Variants in CUX1 observed in about 807,000 individuals in gnomAD.
CUX1 encodes protein CASP.
A neutral mutation model predicts 158.8 loss-of-function variants in CUX1; 31 were observed. The ratio of observed to expected loss-of-function variants is 0.20; its 90% CI spans 0.15 to 0.26. The LOEUF (loss-of-function observed/expected upper bound fraction) is 0.26. CUX1 is among the 10% of genes least tolerant of loss of function. The pLI, the probability that CUX1 is intolerant of heterozygous loss-of-function variation, is 1.00. For synonymous variants in CUX1, 879 were observed against 862.1 expected (o/e 1.02, Z -0.34); for missense variants, 1,589 against 2,014.6 (o/e 0.79, Z 4.04).
intron 1 of CUX1, among the ~76,000 whole-genome samples, chr7:101,872,162 C>A (rs1798635818): frequency 6.6e-6 from 1 of 152,128 alleles, no homozygotes; most frequent in African/African-American, 2.4e-5. Flanking sequence ...GAGACAGAGT[C>A]TCTCTCTGTT....
intron 1 of CUX1, among the ~76,000 whole-genome samples, chr7:101,819,828 C>T (rs1319988341): frequency 6.6e-6 from 1 of 152,162 alleles, no homozygotes; most frequent in African/African-American, 2.4e-5. Context: ...GTTGAGTCCA[C>T]AGAGAGCCCT....
At chr7:102,068,920 T>G (rs1825836415) in intron 3 of CUX1, among the ~76,000 whole-genome samples, 1 of 152,156 alleles carries the variant, frequency 6.6e-6, no homozygotes, top group Non-Finnish European at 1.5e-5. Context: ...TCCAGCATAG[T>G]TGATGAACAG....
rs782600704 is a variant in CUX1 at position 102,251,097 on chromosome 7, A to G, written c.*2055A>G. On this transcript the variant is annotated 3_prime_UTR_variant, in exon 24 of 24. Transcript: ENST00000292535. ...GTATTGGGTATAATTTACAAGATGT[A>G]GTTGTCATACTGTATATTACTGATT... 3 of 985,152 alleles carry G rather than the reference A, an allele frequency of 3.0e-6. No homozygotes were observed. Among genetic ancestry groups the G allele is most frequent in the African/African-American group, 1.7e-5 (1 of 57,218 alleles). The allele number at this position is 985,152 out of a possible 1,614,324, so 61.0% of individuals were successfully genotyped here. A position where few individuals can be genotyped will look rare whatever the true frequency, so the allele number is the denominator to read the frequency against.
intron 2 of CUX1, among the ~76,000 whole-genome samples, chr7:102,016,390 C>G (rs1818592577): frequency 6.6e-6 from 1 of 152,258 alleles, no homozygotes; most frequent in African/African-American, 2.4e-5. Context: ...AGCCTGTGGT[C>G]TCTGCTCATG....
intron 8 of CUX1, among the ~76,000 whole-genome samples, chr7:102,126,935 A>G (rs1554495456): frequency 1.3e-5 from 2 of 152,236 alleles, no homozygotes; most frequent in African/African-American, 4.8e-5. Flanking sequence ...GTGACAGATC[A>G]TCAGGCATTA....
chr7:101,874,879 A>C (rs1016236814), intron 1 of CUX1, among the ~76,000 whole-genome samples: 8 of 152,228 alleles, frequency 5.3e-5, no homozygotes, highest in African/African-American at 1.9e-4. Flanking sequence ...GAGCGTTTGC[A>C]TCACACCTTC....
chr7:101,984,855 A>G (rs920410471), intron 2 of CUX1, among the ~76,000 whole-genome samples: 2 of 152,226 alleles, frequency 1.3e-5, no homozygotes, highest in Non-Finnish European at 2.9e-5. Context: ...GATCGCATTA[A>G]TCTTAATTTT....
At chr7:102,055,786 T>G (rs1824059821) in intron 3 of CUX1, among the ~76,000 whole-genome samples, 2 of 152,204 alleles carry the variant, frequency 1.3e-5, no homozygotes, top group African/African-American at 4.8e-5. Context: ...AAAGGCGTGT[T>G]GAAAGCTGAG....
At chr7:102,006,160 C>G (rs1817340946) in intron 2 of CUX1, among the ~76,000 whole-genome samples, 1 of 152,152 alleles carries the variant, frequency 6.6e-6, no homozygotes, top group African/African-American at 2.4e-5. Flanking sequence ...CTCCTTTTAA[C>G]CCGGGAGTAA....
intron 2 of CUX1, among the ~76,000 whole-genome samples, chr7:101,951,366 G>A (rs1287091678): frequency 6.6e-5 from 10 of 151,962 alleles, no homozygotes; most frequent in Admixed American, 6.6e-4. Context: ...GCATCCTGTA[G>A]ACTAATGCCA....
chr7:102,074,855 T>C (rs778784615), intron 4 of CUX1, among the ~76,000 whole-genome samples: 15 of 152,172 alleles, frequency 9.9e-5, no homozygotes, highest in Non-Finnish European at 1.6e-4. Flanking sequence ...ACTGCTCATG[T>C]TCTGAGCTTT....
In CUX1 at chr7:101,834,246, C is replaced by T. The variant is rs185051282; in HGVS notation, c.30+16577C>T. ...TGGAGTGCAGTGGCACTATCTCAGC[C>T]CACTGCAACCTCCGCCTCCTGGGTT... On this transcript the variant is annotated intron_variant, in intron 1 of 23. Coordinates refer to ENST00000292535, the MANE Select transcript of CUX1 (RefSeq NM_181552.4). Among the ~76,000 whole-genome samples the T allele has an allele frequency of 1.6e-4, 24 of 146,884 alleles. No homozygotes were observed. In the South Asian group the frequency reaches 3.6e-3, roughly 22 times the overall value.
At position 102,204,508 on chromosome 7, in the gene CUX1, G is replaced by A. The variant is rs782570023; in HGVS notation, c.3025G>A (p.Glu1009Lys). ...CCGGATGCAGCTCTGGCTGAACGGC[G>A]AGCTAGGCCAGGGTGTTCTACCCGT... ...FIRMQLWLNG[E>K]LGQGVLPVQG... Residue 1009 changes from glutamate to lysine, a missense_variant, in exon 19 of 24, where the codon GAG becomes AAG. Transcript: ENST00000292535. 1.3e-5 allele frequency: 21 copies of A among 1,613,590 alleles called. No homozygotes were observed. Among genetic ancestry groups the A allele is most frequent in the Non-Finnish European group, 1.8e-5 (21 of 1,180,028 alleles).
intron 1 of CUX1, among the ~76,000 whole-genome samples, chr7:101,866,959 G>A (rs539016838): frequency 5.3e-5 from 8 of 152,334 alleles, no homozygotes; most frequent in East Asian, 1.9e-4. Context: ...GGTGGCTCAC[G>A]CCTGTAATCC....
intron 4 of CUX1, among the ~76,000 whole-genome samples, chr7:102,089,982 T>C (rs112670825): frequency 3.9e-5 from 6 of 152,352 alleles, no homozygotes; most frequent in Admixed American, 2.6e-4. Context: ...CCAGCGTCTG[T>C]AAATAGTTGT....
At chr7:102,033,250 A>G (rs1376462871) in intron 3 of CUX1, among the ~76,000 whole-genome samples, 2 of 152,224 alleles carry the variant, frequency 1.3e-5, no homozygotes, top group African/African-American at 4.8e-5. Flanking sequence ...GGAGTTTGAG[A>G]CCAGCCTGGC....
At chr7:102,271,106 G>A (rs990264490) in intron 14 of CUX1, among the ~76,000 whole-genome samples, 4 of 152,124 alleles carry the variant, frequency 2.6e-5, no homozygotes, top group East Asian at 1.9e-4. Context: ...CTTGCCAGGC[G>A]CACACCTCCA....
intron 3 of CUX1, among the ~76,000 whole-genome samples, chr7:102,040,111 C>T (rs762822108): frequency 6.6e-6 from 1 of 152,152 alleles, no homozygotes; most frequent in Non-Finnish European, 1.5e-5. Flanking sequence ...TCATTGAATA[C>T]AGTCAACTAG....
chr7:102,146,430 G>A (rs1051621586), intron 8 of CUX1, among the ~76,000 whole-genome samples: 4 of 152,100 alleles, frequency 2.6e-5, no homozygotes, highest in Admixed American at 1.3e-4. Context: ...AGGTCATTTC[G>A]TTCGGTTCAT....
Sources: gnomAD v4.1 joint callset for allele counts (sites outside exome capture counted in the v4.1 genomes callset) on GRCh38, gnomAD v4.1.1 for gene constraint, MANE v1.5 for transcripts, NCBI Gene and HGNC (gene_info 2026-07-23, HGNC 2026-07-21) for gene names.